The following NRG3 variants were observed in gnomAD, a reference collection of about 807,000 sequenced individuals.
NRG3 encodes the protein pro-neuregulin-3, membrane-bound isoform.
In NRG3, 31 loss-of-function variants were observed where a neutral mutation model predicts 66.9. The ratio of observed to expected loss-of-function variants is 0.46; its 90% CI spans 0.35 to 0.63. The LOEUF (loss-of-function observed/expected upper bound fraction) is 0.63, where lower values mean the gene tolerates loss of function less well. NRG3 is among the 20% of genes least tolerant of loss of function. The pLI is 0.00. For synonymous variants in NRG3, 393 were observed against 359.4 expected (o/e 1.09, Z -1.06); for missense variants, 910 against 878.9 (o/e 1.04, Z -0.45).
At chr10:82,912,666 G>T (rs1003870405) in intron 4 of NRG3, among the ~76,000 whole-genome samples, 6 of 151,988 alleles carry the variant, frequency 3.9e-5, no homozygotes, top group Admixed American at 6.6e-5. Flanking sequence ...GAGATTTCTG[G>T]ATTAATACCT....
intron 1 of NRG3, among the ~76,000 whole-genome samples, chr10:82,122,255 A>G (rs564690984): frequency 1.3e-5 from 2 of 152,226 alleles, no homozygotes; most frequent in South Asian, 2.1e-4. Context: ...AACTTTTTGC[A>G]TGGGTAGGGC....
intron 2 of NRG3, among the ~76,000 whole-genome samples, chr10:82,623,700 C>T (rs1398159790): frequency 6.6e-6 from 1 of 152,040 alleles, no homozygotes; most frequent in Non-Finnish European, 1.5e-5. Context: ...CTTTTCCTTC[C>T]AAAATAAGGA....
intron 4 of NRG3, among the ~76,000 whole-genome samples, chr10:82,908,360 G>A (rs1448208960): frequency 1.3e-5 from 2 of 152,174 alleles, no homozygotes; most frequent in African/African-American, 4.8e-5. Context: ...ATTCAGAAAT[G>A]TTTTCTGAGA....
intron 2 of NRG3, among the ~76,000 whole-genome samples, chr10:82,680,400 A>G (rs2054027972): frequency 6.6e-6 from 1 of 152,260 alleles, no homozygotes; most frequent in African/African-American, 2.4e-5. Context: ...GACACATTAA[A>G]TAACCAATCA....
intron 1 of NRG3, among the ~76,000 whole-genome samples, chr10:82,024,753 A>C (rs1168162353): frequency 3.3e-5 from 5 of 152,130 alleles, no homozygotes; most frequent in Non-Finnish European, 5.9e-5. Flanking sequence ...ATTGAGAAGT[A>C]GATCATTTCT....
intron 1 of NRG3, among the ~76,000 whole-genome samples, chr10:82,238,063 G>A (rs2076840437): frequency 6.6e-6 from 1 of 151,994 alleles, no homozygotes; most frequent in African/African-American, 2.4e-5. Flanking sequence ...TACTATATTG[G>A]TAGTAATCTT....
chr10:82,419,794 T>C (rs994612493), intron 2 of NRG3, among the ~76,000 whole-genome samples: 4 of 152,202 alleles, frequency 2.6e-5, no homozygotes, highest in Non-Finnish European at 5.9e-5. Flanking sequence ...TAGAGTTTAT[T>C]TTCAGTCTTT....
intron 5 of NRG3, among the ~76,000 whole-genome samples, chr10:82,952,452 C>T (rs1190043215): frequency 2.9e-5 from 3 of 104,142 alleles, no homozygotes; most frequent in South Asian, 3.9e-4. Context: ...TAGATATAAA[C>T]GTCTCTCTCT....
At chr10:82,315,132 G>T (rs2081229787) in intron 1 of NRG3, among the ~76,000 whole-genome samples, 1 of 152,156 alleles carries the variant, frequency 6.6e-6, no homozygotes, top group Non-Finnish European at 1.5e-5. Flanking sequence ...TTAAAATGAT[G>T]TGTATACACA....
chr10:82,813,997 T>C (rs1293005764), intron 3 of NRG3, among the ~76,000 whole-genome samples: 1 of 152,214 alleles, frequency 6.6e-6, no homozygotes, highest in Non-Finnish European at 1.5e-5. Flanking sequence ...TAGAAGTTAC[T>C]CGTACTCTGT....
chr10:82,198,839 A>T lies in NRG3; in HGVS notation c.824-159900A>T, dbSNP rs551785769. 4.6e-5 allele frequency among the ~76,000 whole-genome samples: 7 copies of T among 152,178 alleles called. No individual in the cohort carries two copies. In the East Asian group the frequency reaches 1.4e-3, roughly 30 times the overall value. On this transcript the variant is annotated intron_variant, in intron 1 of 8. Transcript: ENST00000372141. ...TGGTGAAACCCCGTCTCTACTAAAA[A>T]TACAAAAATTAGCCAGGTGTGGTGG... is the stretch of plus-strand genomic sequence containing the variant.
intron 3 of NRG3, among the ~76,000 whole-genome samples, chr10:82,767,952 C>T (rs567916551): frequency 5.3e-5 from 8 of 151,626 alleles, no homozygotes; most frequent in African/African-American, 1.9e-4. Flanking sequence ...GAGAACTCTG[C>T]GTATGTCCAT....
intron 2 of NRG3, among the ~76,000 whole-genome samples, chr10:82,697,188 G>C (rs1013008266): frequency 2.6e-5 from 4 of 152,072 alleles, no homozygotes; most frequent in African/African-American, 9.7e-5. Context: ...ACCACTTTTT[G>C]TTGTTGAATT....
rs1383377090 is a variant in NRG3 at position 82,939,218 on chromosome 10, G to A, written c.1055-12251G>A. ...TGTGAAAGGAGGGGAGGAGATAAGC[G>A]GTTATTACAGGAAAGGTTTATATTT... On this transcript the variant is annotated intron_variant, in intron 4 of 8. Coordinates refer to ENST00000372141, the MANE Select transcript of NRG3 (RefSeq NM_001010848.4). 2.6e-5 allele frequency among the ~76,000 whole-genome samples: 4 copies of A among 152,062 alleles called. No homozygotes were observed. In the East Asian group the frequency reaches 5.8e-4, roughly 22 times the overall value.
chr10:82,185,340 A>G (rs2073736466), intron 1 of NRG3, among the ~76,000 whole-genome samples: 1 of 152,126 alleles, frequency 6.6e-6, no homozygotes, highest in Non-Finnish European at 1.5e-5. Context: ...GCATTAAGTA[A>G]GTAGTTTTGC....
In NRG3 at chr10:81,951,695, C is replaced by T. The variant is rs555501212; in HGVS notation, c.823+75532C>T. ...ATTGGTCAGGAAGCCCCTTTTGTGA[C>T]GTCTTGGATAAATTTTAAAACTTTT... On this transcript the variant is annotated intron_variant, in intron 1 of 8. Coordinates refer to ENST00000372141, the MANE Select transcript of NRG3 (RefSeq NM_001010848.4). Among the ~76,000 whole-genome samples, 7 of 152,262 alleles carry T rather than the reference C, an allele frequency of 4.6e-5. No individual in the cohort carries two copies. The South Asian group carries it at 6.2e-4, about 14-fold the overall frequency.
chr10:82,167,461 A>G (rs895741424), intron 1 of NRG3, among the ~76,000 whole-genome samples: 3 of 152,146 alleles, frequency 2.0e-5, no homozygotes, highest in African/African-American at 7.2e-5. Flanking sequence ...CCAAAGGGGC[A>G]GGGTGATGGG....
At chr10:82,408,066 A>AGC (rs766011388) in intron 2 of NRG3, among the ~76,000 whole-genome samples, 1,866 of 123,250 alleles carry the variant, frequency 0.015, 18 homozygotes, top group East Asian at 0.024. Flanking sequence ...AGAGAGAGAG[A>AGC]GAGAGAGAGA....
At position 82,582,128 on chromosome 10, in the gene NRG3, T is replaced by G. The variant is rs540449987; in HGVS notation, c.954-156449T>G. On this transcript the variant is annotated intron_variant, in intron 2 of 8. Coordinates refer to ENST00000372141, the MANE Select transcript of NRG3 (RefSeq NM_001010848.4). ...TCATTTGAATGGATTTGTTTGAATA[T>G]TTATACTCGTCAGCAAAAAAATTCC... Among the ~76,000 whole-genome samples the G allele has an allele frequency of 1.5e-4, 23 of 152,226 alleles. 1 individual carries two copies. The East Asian group carries it at 4.3e-3, about 28-fold the overall frequency.
Sources: allele counts gnomAD v4.1 joint callset (sites outside exome capture counted in the v4.1 genomes callset), GRCh38; gene constraint gnomAD v4.1.1; transcripts MANE v1.5; gene names NCBI Gene and HGNC (gene_info 2026-07-23, HGNC 2026-07-21).